XNDC1N: variants seen among roughly 807,000 people sequenced by gnomAD.
The protein encoded by XNDC1N is XRCC1 N-terminal domain containing 1, N-terminal like, also known as protein XNDC1N.
the XNDC1N span, among the ~76,000 whole-genome samples, chr11:71,889,337 C>T: frequency 6.6e-6 from 1 of 152,228 alleles, no homozygotes; most frequent in African/African-American, 2.4e-5. Flanking sequence ...GCAGGGGACA[C>T]CAGCGAGCTT....
At chr11:71,896,553 A>G in the XNDC1N span, among the ~76,000 whole-genome samples, 8 of 152,170 alleles carry the variant, frequency 5.3e-5, no homozygotes, top group African/African-American at 1.9e-4. Flanking sequence ...TGCTCTTGAA[A>G]TCATGCTGGT....
the XNDC1N span, among the ~76,000 whole-genome samples, chr11:71,924,602 C>T: frequency 3.3e-5 from 5 of 151,966 alleles, no homozygotes; most frequent in African/African-American, 7.2e-5. Flanking sequence ...GGCGTGAACC[C>T]GGGAGGTGGA....
chr11:71,892,755 A>G, the XNDC1N span, among the ~76,000 whole-genome samples: 2 of 152,040 alleles, frequency 1.3e-5, no homozygotes, highest in Admixed American at 6.5e-5. Context: ...TCCTGACCTC[A>G]GGTGATCCAT....
At chr11:71,915,699 G>A in the XNDC1N span, among the ~76,000 whole-genome samples, 3 of 49,110 alleles carry the variant, frequency 6.1e-5, no homozygotes, top group Admixed American at 1.8e-4. Flanking sequence ...GAAACTACAC[G>A]GGAGCTTTGG....
chr11:71,899,136 GCTCTGTGC>G, the XNDC1N span, among the ~76,000 whole-genome samples: 1 of 152,266 alleles, frequency 6.6e-6, no homozygotes, highest in African/African-American at 2.4e-5. Flanking sequence ...CTAAGAAGGA[GCTCTGTGC>G]CTTGAGCCCC....
At chr11:71,926,793 G>A in the XNDC1N span, among the ~76,000 whole-genome samples, 1 of 150,530 alleles carries the variant, frequency 6.6e-6, no homozygotes, top group Non-Finnish European at 1.5e-5. Context: ...CCCAGCTACT[G>A]AGGAGGCTGA....
At chr11:71,897,502 G>A in the XNDC1N span, among the ~76,000 whole-genome samples, 4 of 152,198 alleles carry the variant, frequency 2.6e-5, no homozygotes, top group African/African-American at 9.7e-5. Flanking sequence ...TCATCATAGG[G>A]AAGCACAAAT....
chr11:71,866,046 G>A, the XNDC1N span, among the ~76,000 whole-genome samples: 371 of 152,136 alleles, frequency 2.4e-3, no homozygotes, highest in Middle Eastern at 0.01. Flanking sequence ...CAAAAAGAAA[G>A]ACAGCTTCAC....
At chr11:71,912,862 C>T in the XNDC1N span, among the ~76,000 whole-genome samples, 7 of 152,240 alleles carry the variant, frequency 4.6e-5, no homozygotes, top group South Asian at 6.2e-4. Context: ...GTAGTATCAT[C>T]CTCTCCCCCT....
chr11:71,889,194 C>A, the XNDC1N span, among the ~76,000 whole-genome samples: 1 of 152,160 alleles, frequency 6.6e-6, no homozygotes, highest in Admixed American at 6.5e-5. Context: ...TCTTTTCAAC[C>A]CTTCAAGTTC....
At chr11:71,887,024 A>T in the XNDC1N span, among the ~76,000 whole-genome samples, 1 of 152,186 alleles carries the variant, frequency 6.6e-6, no homozygotes, top group South Asian at 2.1e-4. Context: ...TCAGAGCAGG[A>T]GGCCCCGGAC....
At chr11:71,904,856 A>G in the XNDC1N span, among the ~76,000 whole-genome samples, 1 of 152,002 alleles carries the variant, frequency 6.6e-6, no homozygotes, top group East Asian at 1.9e-4. Flanking sequence ...TAAGAATAGT[A>G]TCACAGGTGT....
the XNDC1N span, among the ~76,000 whole-genome samples, chr11:71,901,585 C>A: frequency 2.0e-5 from 3 of 151,572 alleles, no homozygotes; most frequent in Non-Finnish European, 2.9e-5. Context: ...GGCAACAGAA[C>A]GAGACTCCAT....
the XNDC1N span, among the ~76,000 whole-genome samples, chr11:71,885,068 G>A: frequency 2.0e-5 from 3 of 152,162 alleles, no homozygotes; most frequent in African/African-American, 4.8e-5. Flanking sequence ...CCGCTCTGGA[G>A]ATTATGAACT....
At chr11:71,894,755 A>G in the XNDC1N span, among the ~76,000 whole-genome samples, 1 of 152,240 alleles carries the variant, frequency 6.6e-6, no homozygotes, top group Non-Finnish European at 1.5e-5. Flanking sequence ...TTATGGAAAC[A>G]ATGTACAGGA....
the XNDC1N span, chr11:71,865,804 A>G: frequency 2.3e-6 from 1 of 435,434 alleles, no homozygotes; most frequent in Non-Finnish European, 4.5e-6. Context: ...TGTTTCCTTT[A>G]TATTGTAGGA....
chr11:71,885,486 G>A, the XNDC1N span, among the ~76,000 whole-genome samples: 1 of 152,062 alleles, frequency 6.6e-6, no homozygotes, highest in Non-Finnish European at 1.5e-5. Context: ...AAATCACCGG[G>A]TGGATGCACA....
chr11:71,919,744 A>C, the XNDC1N span, among the ~76,000 whole-genome samples: 1 of 150,156 alleles, frequency 6.7e-6, no homozygotes, highest in South Asian at 2.1e-4. Flanking sequence ...CAGCCTCCCG[A>C]GTAGCTGGGA....
At chr11:71,878,213 C>A in the XNDC1N span, among the ~76,000 whole-genome samples, 1 of 152,214 alleles carries the variant, frequency 6.6e-6, no homozygotes, top group African/African-American at 2.4e-5. Context: ...CATGGCTGTG[C>A]TTTCTACTAC....
Sources: gnomAD v4.1 joint callset for allele counts (sites outside exome capture counted in the v4.1 genomes callset) on GRCh38, gnomAD v4.1.1 for gene constraint, MANE v1.5 for transcripts, NCBI Gene and HGNC (gene_info 2026-07-23, HGNC 2026-07-21) for gene names.